The following DOCK1 variants were observed in gnomAD, a reference collection of about 807,000 sequenced individuals.
The protein encoded by DOCK1 is dedicator of cytokinesis protein 1.
In DOCK1, 138 loss-of-function variants were observed where a neutral mutation model predicts 262.7. The ratio of observed to expected loss-of-function variants is 0.53; its 90% CI spans 0.46 to 0.61. The LOEUF is 0.61. Among genes scored for constraint, DOCK1 ranks in the 20% least tolerant of loss-of-function variants. The probability of loss-of-function intolerance (pLI) is 0.00; values close to 1 mark genes in which losing one functional copy is unlikely to be tolerated. For synonymous variants in DOCK1, 866 were observed against 867.4 expected (o/e 1.00, Z 0.03); for missense variants, 1,908 against 2,370.7 (o/e 0.80, Z 4.05).
intron 29 of DOCK1, among the ~76,000 whole-genome samples, chr10:127,307,176 G>C (rs2061905773): frequency 2.0e-5 from 3 of 152,012 alleles, no homozygotes; most frequent in Admixed American, 2.0e-4. Flanking sequence ...TTTTGTTTTT[G>C]TATTTAAGTC....
chr10:126,905,493 G>C lies in DOCK1; in HGVS notation c.-25G>C, dbSNP rs752908595. 2 of 531,862 alleles carry C rather than the reference G, an allele frequency of 3.8e-6. No individual in the cohort carries two copies. The highest frequency in any genetic ancestry group is 2.9e-5 in the Admixed American group (1 of 34,266). The allele number at this position is 531,862 out of a possible 1,614,324, so 32.9% of individuals were successfully genotyped here. A position where few individuals can be genotyped will look rare whatever the true frequency, so the allele number is the denominator to read the frequency against. Reference sequence around the variant, plus strand: ...GGCCTAGACGCGGAGTTTCCTGCCCGACCCGCGGCGGCTCCGGCGGCGCCA... The same window carrying C: ...GGCCTAGACGCGGAGTTTCCTGCCCCACCCGCGGCGGCTCCGGCGGCGCCA... On this transcript the variant is annotated 5_prime_UTR_variant, in exon 1 of 52. Coordinates refer to ENST00000623213, the MANE Select transcript of DOCK1 (RefSeq NM_001290223.2).
chr10:127,049,049 CTG>C lies in DOCK1; in HGVS notation c.2202-3630_2202-3629del, dbSNP rs564419960. 4.8e-3 allele frequency among the ~76,000 whole-genome samples: 656 copies of C among 137,338 alleles called. 5 individuals carry two copies. The highest frequency in any genetic ancestry group is 0.011 in the Admixed American group (142 of 13,106). The allele number at this position is 137,338 out of a possible 152,430, so 90.1% of individuals were successfully genotyped here. A position where few individuals can be genotyped will look rare whatever the true frequency, so the allele number is the denominator to read the frequency against. On this transcript the variant is annotated intron_variant, in intron 21 of 51. Transcript: ENST00000623213. ...CGGGTATAACAATTGGAAAGAAAAA[CTG>C]TATTTTCACGTTGATTTTGTATATA...
chr10:127,190,866 A>G (rs1016596290), intron 27 of DOCK1, among the ~76,000 whole-genome samples: 10 of 151,932 alleles, frequency 6.6e-5, no homozygotes, highest in African/African-American at 2.4e-4. Context: ...GCACATTCTC[A>G]TCTGTGACAC....
At chr10:127,020,496 G>A (rs991844184) in intron 13 of DOCK1, among the ~76,000 whole-genome samples, 5 of 151,868 alleles carry the variant, frequency 3.3e-5, no homozygotes, top group South Asian at 2.1e-4. Context: ...GAGCACAGGA[G>A]GTCAAAGCCG....
At chr10:126,918,763 A>T (rs1406708268) in intron 1 of DOCK1, among the ~76,000 whole-genome samples, 1 of 152,228 alleles carries the variant, frequency 6.6e-6, no homozygotes, top group Non-Finnish European at 1.5e-5. Flanking sequence ...TAAACACTCA[A>T]CAGCTGCTTA....
intron 29 of DOCK1, 35 bp downstream of exon 29, chr10:127,257,464 T>C (rs1327059428): frequency 1.9e-5 from 29 of 1,549,238 alleles, no homozygotes; most frequent in Non-Finnish European, 2.5e-5. Flanking sequence ...ACCTTTTCTA[T>C]GGCTCCCAAT....
Position 126,995,287 on chromosome 10 carries a change from G to T in DOCK1, c.474-1461G>T, listed in dbSNP as rs1382571836. Among the ~76,000 whole-genome samples the T allele has an allele frequency of 1.3e-5, 2 of 152,198 alleles. No individual in the cohort carries two copies. The highest frequency in any genetic ancestry group is 4.8e-5 in the African/African-American group (2 of 41,448). On this transcript the variant is annotated intron_variant, in intron 6 of 51. Transcript: ENST00000623213. This position sits in a 1 kb window ranked among gnomAD's most constrained non-coding sequence, Gnocchi z 5.8. ...CTCGGCACTTTGGGAGGCCAAGGCA[G>T]GTGGCTGGGAGGTGGAGGTTGTAGC...
intron 25 of DOCK1, among the ~76,000 whole-genome samples, chr10:127,117,196 A>G (rs1229200679): frequency 6.6e-6 from 1 of 152,176 alleles, no homozygotes; most frequent in Non-Finnish European, 1.5e-5. Flanking sequence ...AGAACCATTG[A>G]TTAGCGAGTT....
chr10:127,110,881 T>G (rs2489403), intron 25 of DOCK1, among the ~76,000 whole-genome samples: 6 of 152,048 alleles, frequency 3.9e-5, no homozygotes, highest in Non-Finnish European at 8.8e-5. Flanking sequence ...TAATCATTTT[T>G]TTTCTATTTG....
chr10:127,138,640 CCA>C (rs1164691701), intron 27 of DOCK1, among the ~76,000 whole-genome samples: 1 of 152,168 alleles, frequency 6.6e-6, no homozygotes, highest in Non-Finnish European at 1.5e-5. Context: ...CCATTACTAA[CCA>C]CAGTTTCTTT....
chr10:127,352,873 G>T (rs867503942), intron 31 of DOCK1, among the ~76,000 whole-genome samples: 1 of 152,094 alleles, frequency 6.6e-6, no homozygotes, highest in Non-Finnish European at 1.5e-5. Flanking sequence ...GATTACAGAC[G>T]TGAGCCACCG....
chr10:127,049,679 A>G (rs1341012091), intron 21 of DOCK1, among the ~76,000 whole-genome samples: 2 of 152,220 alleles, frequency 1.3e-5, no homozygotes, highest in South Asian at 2.1e-4. Flanking sequence ...ATTTCAAATT[A>G]TAGTTTGAAC....
rs201179287 is a variant in DOCK1, at chr10:127,444,151, C to T, written c.5285C>T (p.Pro1762Leu). The change falls in exon 50 of 52, where the codon CCG (proline) becomes CTG (leucine). Residue 1762 changes from proline to leucine, a missense_variant. By Grantham distance (98) the Pro-to-Leu change is moderately conservative (BLOSUM62 -3). Coordinates refer to ENST00000623213, the MANE Select transcript of DOCK1 (RefSeq NM_001290223.2). The stretch of plus-strand genomic sequence containing the variant: ...ATAAGTCCCCTGCGGCCCCAGAGAC[C>T]GAAGAGCCAGGTGATGAACGTCATT... ...ETISPLRPQR[P>L]KSQVMNVIGS... 2.5e-4 allele frequency: 399 copies of T among 1,577,504 alleles called. No individual in the cohort carries two copies. The highest frequency in any genetic ancestry group is 3.3e-4 in the Non-Finnish European group (384 of 1,162,306).
At chr10:127,336,844 A>G (rs1565002631) in intron 29 of DOCK1, among the ~76,000 whole-genome samples, 1 of 152,090 alleles carries the variant, frequency 6.6e-6, no homozygotes, top group Admixed American at 6.5e-5. Flanking sequence ...CAGCTGACAT[A>G]TTTCTTTAAG....
intron 25 of DOCK1, among the ~76,000 whole-genome samples, chr10:127,118,402 C>T (rs1183806): frequency 0.99 from 150,808 of 152,324 alleles, 74,668 homozygotes; most frequent in Middle Eastern, 1. Context: ...TTAATTTCTT[C>T]CCTCTGACAA....
chr10:127,325,313 C>T (rs887799712), intron 29 of DOCK1, among the ~76,000 whole-genome samples: 1 of 152,302 alleles, frequency 6.6e-6, no homozygotes, highest in Admixed American at 6.5e-5. Flanking sequence ...AGCTGGCACT[C>T]GCTGTTTGAG....
intron 24 of DOCK1, among the ~76,000 whole-genome samples, chr10:127,109,734 C>A (rs1160697915): frequency 1.3e-5 from 2 of 152,174 alleles, no homozygotes; most frequent in African/African-American, 2.4e-5. Context: ...AATTGTGTGG[C>A]TATACTGCAT....
intron 29 of DOCK1, among the ~76,000 whole-genome samples, chr10:127,310,432 G>A (rs1355757594): frequency 1.3e-5 from 2 of 152,166 alleles, no homozygotes; most frequent in Admixed American, 6.5e-5. Flanking sequence ...GGGCATGGCC[G>A]GGCTTTGTCG....
chr10:127,286,925 G>T (rs1360301154), intron 29 of DOCK1, among the ~76,000 whole-genome samples: 1 of 150,740 alleles, frequency 6.6e-6, no homozygotes, highest in Non-Finnish European at 1.5e-5. Flanking sequence ...GCCCAGGCTG[G>T]AGTGCAGTGG....
Sources: gnomAD v4.1 joint callset for allele counts (sites outside exome capture counted in the v4.1 genomes callset) on GRCh38, gnomAD v4.1.1 for gene constraint, Gnocchi (gnomAD v3.1) non-coding constraint, MANE v1.5 for transcripts, NCBI Gene and HGNC (gene_info 2026-07-23, HGNC 2026-07-21) for gene names.